Variants in NLGN1 observed in about 807,000 individuals in gnomAD.
NLGN1 encodes the protein neuroligin-1.
Under a neutral mutation model 65.5 loss-of-function variants are expected in NLGN1, and 12 were observed. The ratio of observed to expected loss-of-function variants is 0.18; its 90% CI spans 0.12 to 0.30. The LOEUF is 0.30. Among genes scored for constraint, NLGN1 ranks in the 10% least tolerant of loss-of-function variants. The pLI is 1.00. For missense variants in NLGN1, 750 were observed against 1,007.1 expected (o/e 0.74, Z 3.46); for synonymous variants, 350 against 359.5 (o/e 0.97, Z 0.30).
rs562177336 is a variant in NLGN1 at position 174,234,853 on chromosome 3, A to T, written c.647-40462A>T. On this transcript the variant is annotated intron_variant, in intron 4 of 6. Transcript: ENST00000457714. ...AACGTAAAACAAAATTATATAGTTT[A>T]TAACCTCTATTTTAAAATATATAAG... Among the ~76,000 whole-genome samples the T allele has an allele frequency of 2.0e-4, 31 of 152,214 alleles. 1 individual carries two copies. Among genetic ancestry groups the T allele is most frequent in the Admixed American group, 9.2e-4 (14 of 15,278 alleles).
intron 3 of NLGN1, among the ~76,000 whole-genome samples, chr3:173,644,018 C>A (rs934892057): frequency 6.6e-6 from 1 of 152,178 alleles, no homozygotes; most frequent in Non-Finnish European, 1.5e-5. Context: ...GGGGCTGGTG[C>A]TTACCTACTG....
intron 3 of NLGN1, among the ~76,000 whole-genome samples, chr3:173,626,593 T>C (rs192421796): frequency 7.2e-5 from 11 of 152,228 alleles, no homozygotes; most frequent in African/African-American, 2.4e-4. Context: ...TGCTAATATT[T>C]TTTAGAAATA....
intron 4 of NLGN1, among the ~76,000 whole-genome samples, chr3:173,888,686 C>T (rs2150963964): frequency 6.6e-6 from 1 of 152,144 alleles, no homozygotes; most frequent in Middle Eastern, 3.4e-3. Flanking sequence ...TATTTGATGT[C>T]CCAAAACTTC....
At chr3:173,857,504 C>CA (rs759298380) in intron 4 of NLGN1, among the ~76,000 whole-genome samples, 3 of 151,968 alleles carry the variant, frequency 2.0e-5, no homozygotes, top group Non-Finnish European at 2.9e-5. Context: ...CTGCTTCTCC[C>CA]ACCTCTGTAC....
At chr3:174,136,951 T>C (rs931871753) in intron 4 of NLGN1, among the ~76,000 whole-genome samples, 3 of 152,150 alleles carry the variant, frequency 2.0e-5, no homozygotes, top group Non-Finnish European at 2.9e-5. Context: ...TTAATACATC[T>C]AACCTACCAA....
At chr3:173,488,917 TTCTA>T (rs1435105859) in intron 2 of NLGN1, among the ~76,000 whole-genome samples, 2 of 151,102 alleles carry the variant, frequency 1.3e-5, no homozygotes, top group Non-Finnish European at 2.9e-5. Context: ...TTTTTTTAAT[TTCTA>T]TCTCTTTATT....
chr3:173,595,374 A>C (rs908077039), intron 2 of NLGN1, among the ~76,000 whole-genome samples: 1 of 152,212 alleles, frequency 6.6e-6, no homozygotes, highest in African/African-American at 2.4e-5. Flanking sequence ...TTGCTAAAAC[A>C]TAACAAGAGT....
chr3:173,700,439 T>A (rs977077025), intron 3 of NLGN1, among the ~76,000 whole-genome samples: 1 of 152,248 alleles, frequency 6.6e-6, no homozygotes, highest in Non-Finnish European at 1.5e-5. Context: ...TACTTTGTAC[T>A]CTACAGGCAG....
At position 173,951,414 on chromosome 3, in the gene NLGN1, C is replaced by T. The variant is rs1007872930; in HGVS notation, c.646+143582C>T. ...CACAAATTGGTCTACCTTATATCTT[C>T]TTTTTCCTATTAGATGTAACCTTTC... On this transcript the variant is annotated intron_variant, in intron 4 of 6. Coordinates refer to ENST00000457714, the Ensembl canonical transcript of NLGN1. 2.7e-4 allele frequency among the ~76,000 whole-genome samples: 41 copies of T among 151,048 alleles called. 1 individual carries two copies. The highest frequency in any genetic ancestry group is 2.9e-5 in the Non-Finnish European group (2 of 67,824).
chr3:173,451,464 G>A (rs936539790), intron 2 of NLGN1, among the ~76,000 whole-genome samples: 50 of 152,266 alleles, frequency 3.3e-4, no homozygotes, highest in African/African-American at 1.1e-3. Flanking sequence ...GTGTCAGTCC[G>A]CCCCTAATGG....
intron 4 of NLGN1, among the ~76,000 whole-genome samples, chr3:173,956,158 C>T (rs553584159): frequency 6.6e-6 from 1 of 151,910 alleles, no homozygotes; most frequent in African/African-American, 2.4e-5. Flanking sequence ...GTGGTTTGTC[C>T]AAGCCTGTCT....
chr3:173,615,973 A>C (rs985454053), intron 3 of NLGN1, among the ~76,000 whole-genome samples: 9 of 152,074 alleles, frequency 5.9e-5, no homozygotes, highest in African/African-American at 2.2e-4. Flanking sequence ...GGCATTAAAG[A>C]GCTGCCCTCA....
At chr3:173,892,581 A>G (rs1735557225) in intron 4 of NLGN1, among the ~76,000 whole-genome samples, 1 of 151,916 alleles carries the variant, frequency 6.6e-6, no homozygotes, top group Non-Finnish European at 1.5e-5. Flanking sequence ...AAACTAAAAA[A>G]AAAAAAAAAA....
intron 2 of NLGN1, among the ~76,000 whole-genome samples, chr3:173,495,365 TTATTC>T: frequency 6.6e-6 from 1 of 151,840 alleles, no homozygotes; most frequent in Admixed American, 6.6e-5. Context: ...AATTACTCGT[TTATTC>T]TATCAATTTT....
intron 3 of NLGN1, among the ~76,000 whole-genome samples, chr3:173,689,125 C>T (rs1765095960): frequency 6.6e-6 from 1 of 152,212 alleles, no homozygotes. Flanking sequence ...CCTGAGTCAC[C>T]TCCAGCCTCT....
intron 2 of NLGN1, among the ~76,000 whole-genome samples, chr3:173,471,598 A>G (rs1725326259): frequency 6.6e-6 from 1 of 152,134 alleles, no homozygotes; most frequent in Non-Finnish European, 1.5e-5. Flanking sequence ...TTTCCAAATA[A>G]CATTCTGAGG....
chr3:173,545,386 TTTA>T (rs1739621041), intron 2 of NLGN1, among the ~76,000 whole-genome samples: 1 of 152,074 alleles, frequency 6.6e-6, no homozygotes, highest in Non-Finnish European at 1.5e-5. Flanking sequence ...CGGTAAAGTT[TTTA>T]TTATCAAAGA....
At chr3:174,237,306 T>G (rs1741896964) in intron 4 of NLGN1, among the ~76,000 whole-genome samples, 1 of 152,174 alleles carries the variant, frequency 6.6e-6, no homozygotes, top group African/African-American at 2.4e-5. Flanking sequence ...AATATTACAT[T>G]TTGTTTTGTT....
At chr3:173,644,704 C>G (rs1577705222) in intron 3 of NLGN1, 1 of 153,944 alleles carries the variant, frequency 6.5e-6, no homozygotes, top group Non-Finnish European at 1.4e-5. Context: ...ACATCCATGT[C>G]AAGACTGACT....
Sources: gnomAD v4.1 joint callset for allele counts (sites outside exome capture counted in the v4.1 genomes callset) on GRCh38, gnomAD v4.1.1 for gene constraint, MANE v1.5 for transcripts, NCBI Gene and HGNC (gene_info 2026-07-23, HGNC 2026-07-21) for gene names.